CTNNA2: variants seen among roughly 807,000 people sequenced by gnomAD.
The protein encoded by CTNNA2 is catenin alpha 2.
Under a neutral mutation model 101.0 loss-of-function variants are expected in CTNNA2, and 42 were observed. That is an observed-to-expected ratio of 0.42 (90% confidence interval 0.32 to 0.54). CTNNA2 has a LOEUF of 0.54. CTNNA2 is among the 20% of genes least tolerant of loss of function. The pLI, the probability that CTNNA2 is intolerant of heterozygous loss-of-function variation, is 0.14. For synonymous variants in CTNNA2, 450 were observed against 456.4 expected (o/e 0.99, Z 0.18); for missense variants, 871 against 1,223.1 (o/e 0.71, Z 4.29).
At chr2:80,249,835 A>T (rs1476839356) in intron 7 of CTNNA2, among the ~76,000 whole-genome samples, 1 of 152,164 alleles carries the variant, frequency 6.6e-6, no homozygotes, top group Non-Finnish European at 1.5e-5. Flanking sequence ...CTGTTATTAA[A>T]AATTCTTCAT....
At chr2:80,644,085 G>A (rs180847436) in intron 18 of CTNNA2, among the ~76,000 whole-genome samples, 31 of 152,184 alleles carry the variant, frequency 2.0e-4, no homozygotes, top group African/African-American at 7.5e-4. Context: ...TGATGCTTCG[G>A]GGGAACATTG....
rs202069005 is a variant in CTNNA2, at chr2:80,619,977, G to A, written c.2574+749G>A. Among the ~76,000 whole-genome samples the A allele has an allele frequency of 2.6e-5, 4 of 151,946 alleles. No homozygotes were observed. In the East Asian group the frequency reaches 7.8e-4, roughly 30 times the overall value. On this transcript the variant is annotated intron_variant, in intron 18 of 18. Coordinates refer to ENST00000402739, the MANE Select transcript of CTNNA2 (RefSeq NM_001282597.3). ...TTTTATATGCCTTAGTATTTAGAAA[G>A]AAAAGATCAACTGGAGCGGGCACTT...
chr2:80,302,194 C>T lies in CTNNA2; in HGVS notation c.1057-91017C>T, dbSNP rs1676386239. Reference sequence around the variant, plus strand: ...AGACCCCAGCCTGGTGCCCGCCGGCCCGTCCCGGCTGCCCAGGCGTATTTG... The same window carrying T: ...AGACCCCAGCCTGGTGCCCGCCGGCTCGTCCCGGCTGCCCAGGCGTATTTG... On this transcript the variant is annotated intron_variant, in intron 7 of 18. Coordinates refer to ENST00000402739, the MANE Select transcript of CTNNA2 (RefSeq NM_001282597.3). The surrounding 1 kb of genome is among the most constrained non-coding windows in gnomAD (Gnocchi z 6.4). The T allele has an allele frequency of 6.4e-7, 1 of 1,566,126 alleles. No homozygotes were observed. The highest frequency in any genetic ancestry group is 1.3e-5 in the African/African-American group (1 of 74,090).
At chr2:79,293,179 G>A (rs2104382927) in intron 2 of CTNNA2, 1 of 152,242 alleles carries the variant, frequency 6.6e-6, no homozygotes. Flanking sequence ...ACATCTATTT[G>A]CATGCAGGTG....
At chr2:79,840,796 GCT>G (rs1679741214) in intron 3 of CTNNA2, among the ~76,000 whole-genome samples, 1 of 147,028 alleles carries the variant, frequency 6.8e-6, no homozygotes, top group African/African-American at 2.5e-5. Context: ...ACAGAGTCTC[GCT>G]CTTTCGCCCA....
rs371107247 is a variant in CTNNA2, at chr2:80,558,462, A to ATGTG, written c.1741+2570_1741+2571insGTGT. Among the ~76,000 whole-genome samples the ATGTG allele has an allele frequency of 7.0e-3, 251 of 35,802 alleles. 4 individuals carry two copies. Among genetic ancestry groups the ATGTG allele is most frequent in the African/African-American group, 0.011 (222 of 20,288 alleles). The allele number at this position is 35,802 out of a possible 152,430, so 23.5% of individuals were successfully genotyped here. A position where few individuals can be genotyped will look rare whatever the true frequency, so the allele number is the denominator to read the frequency against. On this transcript the variant is annotated intron_variant, in intron 12 of 18. Transcript: ENST00000402739. ...TTTGTTGGTGTGTGTGTGTGTGTAT[A>ATGTG]TATGTGTGTGTGTGTGTGTGTGTGT...
At chr2:79,579,479 C>T (rs1425894746) in intron 1 of CTNNA2, among the ~76,000 whole-genome samples, 7 of 152,124 alleles carry the variant, frequency 4.6e-5, no homozygotes, top group Non-Finnish European at 2.9e-5. Flanking sequence ...ATAATCTTTC[C>T]TCACCCTCCC....
At chr2:79,927,109 G>C (rs1345484588) in intron 7 of CTNNA2, among the ~76,000 whole-genome samples, 6 of 152,130 alleles carry the variant, frequency 3.9e-5, no homozygotes, top group Non-Finnish European at 8.8e-5. Flanking sequence ...AGTGAAGCCT[G>C]CTTGATTAGA....
At chr2:80,595,859 T>C (rs893809884) in intron 15 of CTNNA2, among the ~76,000 whole-genome samples, 3 of 152,142 alleles carry the variant, frequency 2.0e-5, no homozygotes, top group African/African-American at 7.2e-5. Context: ...TTTTTTTGTT[T>C]CACATGAAAT....
rs574428337 is a variant in CTNNA2, at chr2:80,330,883, G to A, written c.1057-62328G>A. Among the ~76,000 whole-genome samples, 8 of 152,302 alleles carry A rather than the reference G, an allele frequency of 5.3e-5. 1 individual carries two copies. The highest frequency in any genetic ancestry group is 1.9e-4 in the African/African-American group (8 of 41,564). On this transcript the variant is annotated intron_variant, in intron 7 of 18. Transcript: ENST00000402739. ...GAAATGAGATTTGTTCTCACCAGTG[G>A]AGTGAATTATGTCTTGTTGGGGCCC...
chr2:80,627,286 C>T (rs375280194), intron 18 of CTNNA2, among the ~76,000 whole-genome samples: 18 of 152,286 alleles, frequency 1.2e-4, no homozygotes, highest in East Asian at 7.7e-4. Context: ...CTTGAAGAAT[C>T]GCCACACTGT....
At chr2:80,153,862 A>C (rs1038775788) in intron 7 of CTNNA2, among the ~76,000 whole-genome samples, 1 of 152,186 alleles carries the variant, frequency 6.6e-6, no homozygotes, top group Non-Finnish European at 1.5e-5. Context: ...TTCAAATTAC[A>C]TGGTTCTCCC....
In CTNNA2 at chr2:79,777,327, A is replaced by ATGTGTGTGTGTG. The variant is rs67347678; in HGVS notation, c.298+32783_298+32794dup. On this transcript the variant is annotated intron_variant, in intron 3 of 18. Coordinates refer to ENST00000402739, the MANE Select transcript of CTNNA2 (RefSeq NM_001282597.3). ...TCTTAGCCCATACCAAACACTTGTT[A>ATGTGTGTGTGTG]TGTGTGTGTGTGTGTGTGTGTGTGT... Among the ~76,000 whole-genome samples, 19 of 139,686 alleles carry ATGTGTGTGTGTG rather than the reference A, an allele frequency of 1.4e-4. No homozygotes were observed. The East Asian group carries it at 3.6e-3, about 27-fold the overall frequency. 91.6% of individuals were successfully genotyped at this position (139,686 alleles called of 152,430 possible).
chr2:79,360,087 A>G (rs956832258), intron 3 of CTNNA2, among the ~76,000 whole-genome samples: 4 of 152,202 alleles, frequency 2.6e-5, no homozygotes, highest in Admixed American at 2.0e-4. Flanking sequence ...AAGAGAGTCA[A>G]GGGTCCTGAG....
intron 2 of CTNNA2, among the ~76,000 whole-genome samples, chr2:79,708,264 T>C (rs1394073695): frequency 6.6e-6 from 1 of 152,250 alleles, no homozygotes; most frequent in East Asian, 1.9e-4. Context: ...TATTCCTATG[T>C]TGGCTTTTAT....
chr2:79,223,876 T>C (rs1674376608), intron 2 of CTNNA2, among the ~76,000 whole-genome samples: 1 of 152,182 alleles, frequency 6.6e-6, no homozygotes, highest in Non-Finnish European at 1.5e-5. Flanking sequence ...CTCAACCCCT[T>C]AGAGATTAAT....
At chr2:79,782,082 G>T (rs1403283094) in intron 3 of CTNNA2, among the ~76,000 whole-genome samples, 2 of 151,936 alleles carry the variant, frequency 1.3e-5, no homozygotes, top group African/African-American at 4.8e-5. Flanking sequence ...AATATTTTCT[G>T]GTTTAGTGGC....
At chr2:80,037,454 C>T (rs749094174) in intron 7 of CTNNA2, among the ~76,000 whole-genome samples, 6 of 152,098 alleles carry the variant, frequency 3.9e-5, no homozygotes, top group African/African-American at 7.2e-5. Flanking sequence ...TATTACTACT[C>T]GAAGGCAAGT....
chr2:80,308,022 A>G lies in CTNNA2; in HGVS notation c.1057-85189A>G, dbSNP rs191772194. Among the ~76,000 whole-genome samples the G allele has an allele frequency of 1.6e-3, 237 of 152,340 alleles. 4 individuals carry two copies. Among genetic ancestry groups the G allele is most frequent in the East Asian group, 2.3e-3 (12 of 5,180 alleles). ...AATTCGTTGTAGTTAGAGAGGCCAG[A>G]AGTATAGCTTGACGGAGGGAAGAGT... On this transcript the variant is annotated intron_variant, in intron 7 of 18. Transcript: ENST00000402739.
Sources: gnomAD v4.1 joint callset for allele counts (sites outside exome capture counted in the v4.1 genomes callset) on GRCh38, gnomAD v4.1.1 for gene constraint, Gnocchi (gnomAD v3.1) non-coding constraint, MANE v1.5 for transcripts, NCBI Gene and HGNC (gene_info 2026-07-23, HGNC 2026-07-21) for gene names.